The following KMT2C variants were observed in gnomAD, a reference collection of about 807,000 sequenced individuals.
The protein encoded by KMT2C is histone-lysine N-methyltransferase 2C.
Under a neutral mutation model 507.9 loss-of-function variants are expected in KMT2C, and 88 were observed. That is an observed-to-expected ratio of 0.17 (90% CI 0.15 to 0.21). The LOEUF is 0.21. KMT2C is among the 10% of genes least tolerant of loss of function. The pLI, the probability that KMT2C is intolerant of heterozygous loss-of-function variation, is 1.00. For synonymous variants in KMT2C, 2,049 were observed against 2,080.8 expected (o/e 0.98, Z 0.42); for missense variants, 4,954 against 5,957.8 (o/e 0.83, Z 5.55).
chr7:152,269,279 T>C (rs991132416), intron 7 of KMT2C, among the ~76,000 whole-genome samples: 4 of 152,202 alleles, frequency 2.6e-5, no homozygotes, highest in Non-Finnish European at 5.9e-5. Flanking sequence ...AAAACATCCA[T>C]GTAATACATA....
chr7:152,287,693 A>G (rs965685667), intron 6 of KMT2C, among the ~76,000 whole-genome samples: 1 of 152,206 alleles, frequency 6.6e-6, no homozygotes. Flanking sequence ...TGTCATAATT[A>G]TCTATCAAAG....
intron 36 of KMT2C, among the ~76,000 whole-genome samples, chr7:152,180,328 G>A (rs2093390453): frequency 6.6e-6 from 1 of 152,034 alleles, no homozygotes; most frequent in Non-Finnish European, 1.5e-5. Context: ...ACAGGTTAGT[G>A]GCTTTTTAAA....
At position 152,248,528 on chromosome 7, in the gene KMT2C, G is replaced by T. The variant is rs1470907193; in HGVS notation, c.1906C>A (p.His636Asn). ...EDLKMSSEVK[H>N]ICGEDQIEDK... is the part of the protein sequence containing the mutation. ...TCAATTTGATCTTCGCCACAAATATGCTTCACTTCAGAAGACATTTTCAGG... is the reference window on the plus strand; with the variant it reads ...TCAATTTGATCTTCGCCACAAATATTCTTCACTTCAGAAGACATTTTCAGG... The change falls in exon 14 of 59, where the codon CAT becomes AAT. Residue 636 changes from histidine (H) to asparagine (N), a missense_variant. Around this residue, in one of 29 missense-constraint regions of KMT2C, gnomAD observed 376 missense variants for 352.4 expected, o/e 1.07. Transcript: ENST00000262189. 6.2e-7 allele frequency: 1 copy of T among 1,613,894 alleles called. No individual in the cohort carries two copies. The highest frequency in any genetic ancestry group is 8.5e-7 in the Non-Finnish European group (1 of 1,179,872).
chr7:152,238,533 T>C (rs2129157568), intron 15 of KMT2C, among the ~76,000 whole-genome samples, 174 bp downstream of exon 15: 1 of 152,414 alleles, frequency 6.6e-6, no homozygotes, highest in African/African-American at 2.4e-5. Flanking sequence ...GTATTAAAAA[T>C]GTATACTTGA....
intron 44 of KMT2C, chr7:152,158,010 T>A: frequency 4.2e-6 from 4 of 945,270 alleles, no homozygotes; most frequent in African/African-American, 1.8e-5. Flanking sequence ...AGCAACTTTG[T>A]TGAATAAGGC....
Position 152,162,950 on chromosome 7 carries a change from T to C in KMT2C, c.10627A>G (p.Ser3543Gly). 6.2e-7 allele frequency: 1 copy of C among 1,614,152 alleles called. No homozygotes were observed. Among genetic ancestry groups the C allele is most frequent in the Non-Finnish European group, 8.5e-7 (1 of 1,180,036 alleles). The change falls in exon 43 of 59, where the codon AGC becomes GGC. Residue 3543 changes from serine (S) to glycine (G), a missense_variant. Ser to Gly is a moderately conservative substitution (Grantham distance 56). Around this residue, in one of 29 missense-constraint regions of KMT2C, gnomAD observed 801 missense variants for 751.2 expected, o/e 1.07. Transcript: ENST00000262189. ...KQGHGNLSGT[S>G]FQQSPVRPSF... ...GGCCTCACTGGGGACTGCTGGAAGC[T>C]GGTCCCAGAAAGATTTCCATGTCCC...
chr7:152,364,630 A>G (rs1029130833), intron 1 of KMT2C, among the ~76,000 whole-genome samples: 2 of 144,808 alleles, frequency 1.4e-5, no homozygotes, highest in East Asian at 2.1e-4. Flanking sequence ...AGAAAAGAAA[A>G]AAAGAAAAAA....
In KMT2C at chr7:152,315,354, TG is replaced by T; in HGVS notation, c.390-17del. ...GAGCTGTTCACTAGTAAAAATGAAA[TG>T]TAAGTCAGAGAAGGAGAAAAGTAGC... On this transcript the variant is annotated splice_polypyrimidine_tract_variant and intron_variant, in intron 3 of 58. Coordinates refer to ENST00000262189, the MANE Select transcript of KMT2C (RefSeq NM_170606.3). 2 of 1,600,186 alleles carry T rather than the reference TG, an allele frequency of 1.2e-6. No individual in the cohort carries two copies. The highest frequency in any genetic ancestry group is 1.7e-6 in the Non-Finnish European group (2 of 1,168,220).
intron 1 of KMT2C, among the ~76,000 whole-genome samples, chr7:152,394,573 A>G (rs184677388): frequency 5.8e-4 from 88 of 152,286 alleles, no homozygotes; most frequent in African/African-American, 2.0e-3. Flanking sequence ...GCCCCACTTA[A>G]AACAATCCAA....
chr7:152,277,662 A>T (rs2096108679), intron 6 of KMT2C, among the ~76,000 whole-genome samples: 2 of 152,156 alleles, frequency 1.3e-5, no homozygotes, highest in South Asian at 4.1e-4. Flanking sequence ...AATAACAAGG[A>T]TAAAAGGAAA....
rs773125481 is a variant in KMT2C, at chr7:152,144,814, C to A, written c.14242G>T (p.Ala4748Ser). 6.2e-7 allele frequency: 1 copy of A among 1,614,068 alleles called. No individual in the cohort carries two copies. The highest frequency in any genetic ancestry group is 8.5e-7 in the Non-Finnish European group (1 of 1,179,964). Residue 4748 changes from alanine to serine, a missense_variant, in exon 55 of 59, where the codon GCA becomes TCA. Transcript: ENST00000262189. This position sits in a 1 kb window ranked among gnomAD's most constrained non-coding sequence, Gnocchi z 4.4. ...FQSTVTGELN[A>S]PYSKQFVHSK... ...TGAACAAACTGTTTACTATAAGGTGCGTTCAGTTCTCCAGTGACTGTGCTC... is the reference window on the plus strand; with the variant it reads ...TGAACAAACTGTTTACTATAAGGTGAGTTCAGTTCTCCAGTGACTGTGCTC...
At chr7:152,384,286 AC>A (rs1311327755) in intron 1 of KMT2C, among the ~76,000 whole-genome samples, 3 of 152,078 alleles carry the variant, frequency 2.0e-5, no homozygotes, top group Admixed American at 6.6e-5. Flanking sequence ...ATGACTTAAA[AC>A]CCATACTACC....
At chr7:152,253,119 T>C (rs565536272) in intron 9 of KMT2C, among the ~76,000 whole-genome samples, 40 of 152,214 alleles carry the variant, frequency 2.6e-4, no homozygotes, top group Non-Finnish European at 5.1e-4. Flanking sequence ...CCTCCCAAAG[T>C]GCTGGGATTA....
At chr7:152,347,385 T>C (rs182497726) in intron 2 of KMT2C, among the ~76,000 whole-genome samples, 1 of 152,332 alleles carries the variant, frequency 6.6e-6, no homozygotes, top group African/African-American at 2.4e-5. Flanking sequence ...GCACAATTTA[T>C]AGCACTGCAC....
chr7:152,349,028 T>C (rs1320509833), intron 2 of KMT2C, among the ~76,000 whole-genome samples: 1 of 152,200 alleles, frequency 6.6e-6, no homozygotes, highest in African/African-American at 2.4e-5. Context: ...AGAAGCTTTC[T>C]TAACTGCCAA....
chr7:152,328,310 CCTAAGCTGACTGAGA>C (rs2096849846), intron 3 of KMT2C, among the ~76,000 whole-genome samples: 1 of 152,094 alleles, frequency 6.6e-6, no homozygotes, highest in South Asian at 2.1e-4. Flanking sequence ...TGTTCTTTTT[CCTAAGCTGACTGAGA>C]CTAAGCTGGA....
chr7:152,278,998 G>A (rs1291794939), intron 6 of KMT2C, among the ~76,000 whole-genome samples: 1 of 152,196 alleles, frequency 6.6e-6, no homozygotes, highest in Non-Finnish European at 1.5e-5. Flanking sequence ...TCCAAAAATA[G>A]AGAAAACATT....
At chr7:152,398,023 C>T (rs2097547509) in intron 1 of KMT2C, among the ~76,000 whole-genome samples, 1 of 152,214 alleles carries the variant, frequency 6.6e-6, no homozygotes, top group Non-Finnish European at 1.5e-5. Context: ...ACATCATTCA[C>T]GTGTGTTTCA....
chr7:152,160,751 G>A (rs946430080), intron 43 of KMT2C, among the ~76,000 whole-genome samples: 1 of 150,406 alleles, frequency 6.6e-6, no homozygotes, highest in African/African-American at 2.4e-5. Context: ...TAAACTTGAC[G>A]TGGTTGTTCC....
Sources: allele counts gnomAD v4.1 joint callset (sites outside exome capture counted in the v4.1 genomes callset), GRCh38; gene constraint gnomAD v4.1.1; regional missense constraint gnomAD v4.1.1; non-coding constraint Gnocchi (gnomAD v3.1); transcripts MANE v1.5; gene names NCBI Gene and HGNC (gene_info 2026-07-23, HGNC 2026-07-21).